The following PCDHA2 variants were observed in gnomAD, a reference collection of about 807,000 sequenced individuals.
The protein encoded by PCDHA2 is protocadherin alpha-2.
A neutral mutation model predicts 66.0 loss-of-function variants in PCDHA2; 58 were observed. The ratio of observed to expected loss-of-function variants is 0.88; its 90% CI spans 0.71 to 1.09. PCDHA2 has a LOEUF of 1.09. Among genes scored for constraint, PCDHA2 ranks in the 50% least tolerant of loss-of-function variants. The pLI is 0.00. For missense variants in PCDHA2, 1,267 were observed against 1,242.3 expected, an observed-to-expected ratio of 1.02 and a Z score of -0.30; for synonymous variants, 634 against 554.0, an observed-to-expected ratio of 1.14 and a Z score of -2.03.
intron 1 of PCDHA2, among the ~76,000 whole-genome samples, chr5:140,880,167 G>A (rs1363011800): frequency 2.0e-5 from 3 of 152,160 alleles, no homozygotes; most frequent in African/African-American, 7.2e-5. Context: ...TATGTTAGAA[G>A]TTAAACATGA....
chr5:140,952,157 T>TG (rs771517820), intron 1 of PCDHA2, among the ~76,000 whole-genome samples: 33 of 152,162 alleles, frequency 2.2e-4, no homozygotes, highest in Non-Finnish European at 4.3e-4. Flanking sequence ...TGTGGCTTTG[T>TG]GGGGTTCAGT....
intron 1 of PCDHA2, among the ~76,000 whole-genome samples, chr5:140,948,646 G>T (rs1030231985): frequency 6.6e-6 from 1 of 151,616 alleles, no homozygotes; most frequent in South Asian, 2.1e-4. Context: ...ATCTTTTAAC[G>T]TCTGTATAAT....
In PCDHA2 at chr5:141,006,613, A is replaced by G. The variant is rs543043401; in HGVS notation, c.2537-3014A>G. 2.0e-5 allele frequency among the ~76,000 whole-genome samples: 3 copies of G among 152,308 alleles called. No individual in the cohort carries two copies. In the South Asian group the frequency reaches 6.2e-4, roughly 32 times the overall value. Reference sequence around the variant, plus strand: ...AGCAAAAGTGGAAGCAGACTGAATAAGGAGACTATTGCTGCAATTCATATA... The same window carrying G: ...AGCAAAAGTGGAAGCAGACTGAATAGGGAGACTATTGCTGCAATTCATATA... On this transcript the variant is annotated intron_variant, in intron 3 of 3. Coordinates refer to ENST00000526136, the MANE Select transcript of PCDHA2 (RefSeq NM_018905.3).
chr5:140,887,955 CTTTT>C (rs2061644555), intron 1 of PCDHA2, among the ~76,000 whole-genome samples: 2 of 152,088 alleles, frequency 1.3e-5, no homozygotes, highest in African/African-American at 4.8e-5. Flanking sequence ...GTATAAGATT[CTTTT>C]TGTCTCTTTT....
chr5:140,943,005 C>T (rs1383622610), intron 1 of PCDHA2, among the ~76,000 whole-genome samples: 2 of 151,608 alleles, frequency 1.3e-5, no homozygotes, highest in African/African-American at 4.8e-5. Context: ...GCCTGTAATC[C>T]CAGCACTTTG....
At chr5:140,882,732 A>C in intron 1 of PCDHA2, 1 of 1,614,228 alleles carries the variant, frequency 6.2e-7, no homozygotes, top group Non-Finnish European at 8.5e-7. Context: ...TTTCCACTAG[A>C]TGGCGCATCC....
chr5:140,873,875 G>T (rs977504739), intron 1 of PCDHA2, among the ~76,000 whole-genome samples: 2 of 152,104 alleles, frequency 1.3e-5, no homozygotes, highest in African/African-American at 4.8e-5. Context: ...TGGCCAGGCT[G>T]GTCTTGAACT....
At chr5:140,821,957 G>T (rs112376305) in intron 1 of PCDHA2, 3 of 1,614,186 alleles carry the variant, frequency 1.9e-6, no homozygotes, top group Non-Finnish European at 2.5e-6. Context: ...CTGGTGCCGC[G>T]CCTGTTCCGG....
chr5:140,871,326 C>T (rs2052980774), intron 1 of PCDHA2: 1 of 1,613,978 alleles, frequency 6.2e-7, no homozygotes, highest in African/African-American at 1.3e-5. Context: ...TGGTGTGCTC[C>T]CGCGCGGTGG....
chr5:140,801,785 G>GA (rs782411180), intron 1 of PCDHA2: 31 of 1,613,196 alleles, frequency 1.9e-5, no homozygotes, highest in Non-Finnish European at 2.5e-5. Flanking sequence ...GACTCGTGTT[G>GA]AAAAAAAATT....
chr5:140,849,915 A>T (rs1554143492), intron 1 of PCDHA2: 3 of 1,598,260 alleles, frequency 1.9e-6, no homozygotes, highest in Non-Finnish European at 8.6e-7. Context: ...GGGCTGCCAC[A>T]TCTTCACGGT....
At chr5:140,912,443 G>T (rs1351780500) in intron 1 of PCDHA2, among the ~76,000 whole-genome samples, 3 of 151,748 alleles carry the variant, frequency 2.0e-5, no homozygotes, top group African/African-American at 7.3e-5. Flanking sequence ...TGATTTGTGT[G>T]CATTGATTTT....
intron 1 of PCDHA2, chr5:140,857,734 C>G: frequency 3.1e-6 from 5 of 1,597,392 alleles, no homozygotes; most frequent in Non-Finnish European, 4.3e-6. Flanking sequence ...ACAACGCTCC[C>G]GCGCTGCTGG....
At chr5:140,882,713 G>T (rs1554175318) in intron 1 of PCDHA2, 6 of 1,614,198 alleles carry the variant, frequency 3.7e-6, no homozygotes, top group African/African-American at 1.3e-5. Context: ...TAGACCTCCG[G>T]AAACTCGATT....
At chr5:140,850,218 G>A (rs2150473987) in intron 1 of PCDHA2, 3 of 1,593,686 alleles carry the variant, frequency 1.9e-6, no homozygotes, top group African/African-American at 1.3e-5. Flanking sequence ...GGGCACTGAC[G>A]GCGCAGTGAG....
At position 140,850,713 on chromosome 5, in the gene PCDHA2, G is replaced by T. The variant is rs186966305; in HGVS notation, c.2388+53361G>T. 415 of 1,598,196 alleles carry T rather than the reference G, an allele frequency of 2.6e-4. 13 individuals are homozygous for T. The East Asian group carries it at 6.7e-3, about 26-fold the overall frequency. ...GTGCGCGCCTGGCAAGCCGACGCTGGTGTGTTCTAGCGCGGTGGGGAGTTG... is the reference window on the plus strand; with the variant it reads ...GTGCGCGCCTGGCAAGCCGACGCTGTTGTGTTCTAGCGCGGTGGGGAGTTG... On this transcript the variant is annotated intron_variant, in intron 1 of 3. Coordinates refer to ENST00000526136, the MANE Select transcript of PCDHA2 (RefSeq NM_018905.3).
intron 1 of PCDHA2, chr5:140,870,040 A>G: frequency 1.2e-6 from 2 of 1,613,768 alleles, no homozygotes; most frequent in Non-Finnish European, 1.7e-6. Flanking sequence ...TGAAGAAAAC[A>G]AGTTTTATAA....
intron 1 of PCDHA2, among the ~76,000 whole-genome samples, chr5:140,944,929 CT>C (rs2093712661): frequency 6.6e-6 from 1 of 152,052 alleles, no homozygotes; most frequent in Admixed American, 6.6e-5. Context: ...TGGTTTATGC[CT>C]TCTTTAGATG....
chr5:140,859,677 A>G (rs942745951), intron 1 of PCDHA2: 1 of 154,782 alleles, frequency 6.5e-6, no homozygotes, highest in South Asian at 2.0e-4. Context: ...GCTTCAAATA[A>G]AATTAAAATT....
Sources: allele counts gnomAD v4.1 joint callset (sites outside exome capture counted in the v4.1 genomes callset), GRCh38; gene constraint gnomAD v4.1.1; transcripts MANE v1.5; gene names NCBI Gene and HGNC (gene_info 2026-07-23, HGNC 2026-07-21).